Variants in TMEM132D observed in about 807,000 individuals in gnomAD.
TMEM132D encodes transmembrane protein 132D, also known as mature OL transmembrane protein.
In TMEM132D, 21 loss-of-function variants were observed where a neutral mutation model predicts 62.3. That is an observed-to-expected ratio of 0.34 (90% confidence interval 0.24 to 0.49). TMEM132D has a LOEUF of 0.49. Ranked by LOEUF, TMEM132D falls within the 20% of genes least tolerant of loss-of-function variation. The pLI is 0.99. For missense variants in TMEM132D, 1,346 were observed against 1,402.8 expected, an observed-to-expected ratio of 0.96 and a Z score of 0.65; for synonymous variants, 621 against 575.6, an observed-to-expected ratio of 1.08 and a Z score of -1.13.
At chr12:129,626,174 T>C (rs934709240) in intron 2 of TMEM132D, among the ~76,000 whole-genome samples, 5 of 152,106 alleles carry the variant, frequency 3.3e-5, no homozygotes, top group African/African-American at 1.2e-4. Context: ...GCTCAACTTC[T>C]CAGAGCCTTT....
chr12:129,396,936 T>C (rs1281196270), intron 3 of TMEM132D, among the ~76,000 whole-genome samples: 1 of 152,192 alleles, frequency 6.6e-6, no homozygotes. Flanking sequence ...CCAAGAAGTA[T>C]GAAGGCAGTC....
At chr12:129,283,022 C>G (rs185714874) in intron 4 of TMEM132D, among the ~76,000 whole-genome samples, 3 of 152,280 alleles carry the variant, frequency 2.0e-5, no homozygotes, top group Admixed American at 1.3e-4. Context: ...CTCAGGGGCT[C>G]TACTTATACT....
chr12:129,796,911 A>C (rs922390049), intron 1 of TMEM132D, among the ~76,000 whole-genome samples: 2 of 152,186 alleles, frequency 1.3e-5, no homozygotes, highest in Non-Finnish European at 2.9e-5. Context: ...CAGCTCTTTT[A>C]ATCTTGCCTT....
chr12:129,137,443 T>C (rs1876617638), intron 5 of TMEM132D, among the ~76,000 whole-genome samples: 2 of 152,204 alleles, frequency 1.3e-5, no homozygotes, highest in Non-Finnish European at 2.9e-5. Context: ...GGAGGCTAAG[T>C]CACTTGCTTA....
intron 2 of TMEM132D, among the ~76,000 whole-genome samples, chr12:129,569,407 CA>C (rs1010560663): frequency 2.0e-5 from 3 of 152,062 alleles, no homozygotes; most frequent in African/African-American, 7.2e-5. Context: ...CTACTCCTGC[CA>C]CCAGGCTTAG....
intron 5 of TMEM132D, among the ~76,000 whole-genome samples, chr12:129,175,374 C>T (rs1056913436): frequency 6.6e-6 from 1 of 152,162 alleles, no homozygotes; most frequent in Non-Finnish European, 1.5e-5. Context: ...GGTTTGATAC[C>T]ACCACTTATT....
chr12:129,295,349 G>A (rs1022197488), intron 4 of TMEM132D, among the ~76,000 whole-genome samples: 10 of 151,948 alleles, frequency 6.6e-5, no homozygotes, highest in East Asian at 3.9e-4. Context: ...GAACGCTGCC[G>A]GCTAAACTCC....
At chr12:129,842,329 A>G (rs1374896423) in intron 1 of TMEM132D, among the ~76,000 whole-genome samples, 2 of 152,064 alleles carry the variant, frequency 1.3e-5, no homozygotes, top group Admixed American at 1.3e-4. Context: ...ACCCCTGGGG[A>G]CAGACACAGA....
At chr12:129,160,191 TGGC>T (rs1349155356) in intron 5 of TMEM132D, among the ~76,000 whole-genome samples, 1 of 152,234 alleles carries the variant, frequency 6.6e-6, no homozygotes, top group African/African-American at 2.4e-5. Flanking sequence ...ACACTTGTTT[TGGC>T]CTCAACCACA....
chr12:129,609,002 G>T (rs1434671715), intron 2 of TMEM132D, among the ~76,000 whole-genome samples: 2 of 150,922 alleles, frequency 1.3e-5, no homozygotes, highest in East Asian at 3.9e-4. Flanking sequence ...GTGTAGTGGC[G>T]TGATCTTGGC....
chr12:129,484,168 C>T (rs1874512210), intron 3 of TMEM132D, among the ~76,000 whole-genome samples: 1 of 152,180 alleles, frequency 6.6e-6, no homozygotes, highest in East Asian at 1.9e-4. Flanking sequence ...TGGGGATTCA[C>T]CATATTGGCC....
chr12:129,513,082 C>T (rs1256702995), intron 3 of TMEM132D, among the ~76,000 whole-genome samples: 2 of 152,172 alleles, frequency 1.3e-5, no homozygotes, highest in East Asian at 3.9e-4. Flanking sequence ...GGCTGGGTAA[C>T]TTATAGAGAA....
rs989482996 is a variant in TMEM132D, at chr12:129,561,642, A to C, written c.969-30437T>G. Among the ~76,000 whole-genome samples, 6 of 152,354 alleles carry C rather than the reference A, an allele frequency of 3.9e-5. No homozygotes were observed. In the East Asian group the frequency reaches 1.2e-3, roughly 29 times the overall value. ...ATTAAGGGCTGAGGTTTTCAACCCTATGAGACAGAAACCAGTTATCATTAT... is the reference window on the plus strand; with the variant it reads ...ATTAAGGGCTGAGGTTTTCAACCCTCTGAGACAGAAACCAGTTATCATTAT... On this transcript the variant is annotated intron_variant, in intron 2 of 8. Coordinates refer to ENST00000422113, the MANE Select transcript of TMEM132D (RefSeq NM_133448.3).
chr12:129,422,692 C>A (rs1872363426), intron 3 of TMEM132D, among the ~76,000 whole-genome samples: 2 of 152,052 alleles, frequency 1.3e-5, no homozygotes. Flanking sequence ...GTGAATTTAT[C>A]TACACAAAGA....
intron 4 of TMEM132D, chr12:129,262,919 C>T (rs1362702573): frequency 6.6e-6 from 1 of 152,584 alleles, no homozygotes; most frequent in African/African-American, 2.4e-5. Context: ...AGGAGGCTGA[C>T]AGCATGAACC....
In TMEM132D at chr12:129,072,688, A is replaced by G. The variant is rs1266833221; in HGVS notation, c.*1187T>C. The G allele has an allele frequency of 1.3e-5, 2 of 152,146 alleles. No individual in the cohort carries two copies. The highest frequency in any genetic ancestry group is 2.9e-5 in the Non-Finnish European group (2 of 68,244). 9.4% of individuals were successfully genotyped at this position (152,146 alleles called of 1,614,324 possible). On this transcript the variant is annotated 3_prime_UTR_variant, in exon 9 of 9. Transcript: ENST00000422113. ...TCACACCCAGAACCCCCCCAACTCC[A>G]CACGCCCTGCACGTTCCACACAGGC... is the stretch of plus-strand genomic sequence containing the variant.
In TMEM132D at chr12:129,078,581, T is replaced by C. The variant is rs755944431; in HGVS notation, c.2068A>G (p.Ile690Val). Residue 690 changes from isoleucine (I) to valine (V), a missense_variant, in exon 8 of 9, where the codon ATC becomes GTC. Physicochemically the swap from Ile to Val is conservative, Grantham distance 29. Coordinates refer to ENST00000422113, the MANE Select transcript of TMEM132D (RefSeq NM_133448.3). ...LQLSPGSNRA[I>V]FATAVAQELL... ...TCCTGAGCCACTGCAGTGGCAAAGA[T>C]GGCCCTGTTGCTTCCTGGGCTGAGC... is the stretch of plus-strand genomic sequence containing the variant. 9 of 1,614,048 alleles carry C rather than the reference T, an allele frequency of 5.6e-6. No homozygotes were observed. The East Asian group carries it at 1.1e-4, about 20-fold the overall frequency.
rs1458016670 is a variant in TMEM132D at position 129,388,787 on chromosome 12, GATA to G, written c.1116-50973_1116-50971del. ...ACACCAACACCAATCCAGCACTGAT[GATA>G]ATATTAACACCAACACAAATCCTAA... On this transcript the variant is annotated intron_variant, in intron 3 of 8. Transcript: ENST00000422113. Among the ~76,000 whole-genome samples the G allele has an allele frequency of 1.1e-4, 12 of 105,010 alleles. 3 individuals are homozygous for G. The highest frequency in any genetic ancestry group is 4.4e-4 in the Admixed American group (5 of 11,248). The allele number at this position is 105,010 out of a possible 152,430, so 68.9% of individuals were successfully genotyped here.
At chr12:129,307,803 C>T (rs1881879718) in intron 4 of TMEM132D, among the ~76,000 whole-genome samples, 1 of 152,212 alleles carries the variant, frequency 6.6e-6, no homozygotes, top group African/African-American at 2.4e-5. Context: ...TGCAAGTGGT[C>T]TTGCTGCTTC....
Sources: gnomAD v4.1 joint callset for allele counts (sites outside exome capture counted in the v4.1 genomes callset) on GRCh38, gnomAD v4.1.1 for gene constraint, MANE v1.5 for transcripts, NCBI Gene and HGNC (gene_info 2026-07-23, HGNC 2026-07-21) for gene names.